The following RIMS3 variants were observed in gnomAD, a reference collection of about 807,000 sequenced individuals.
RIMS3 encodes the protein regulating synaptic membrane exocytosis protein 3.
In RIMS3, 15 loss-of-function variants were observed where a neutral mutation model predicts 29.2. The observed-to-expected ratio is 0.51, with a 90% CI of 0.34 to 0.79. RIMS3 has a LOEUF of 0.79. RIMS3 is among the 30% of genes least tolerant of loss of function. The probability of loss-of-function intolerance (pLI) is 0.01; values close to 1 mark genes in which losing one functional copy is unlikely to be tolerated. For missense variants in RIMS3, 342 were observed against 421.4 expected (o/e 0.81, Z 1.65); for synonymous variants, 161 against 170.1 (o/e 0.95, Z 0.41).
chr1:40,634,633 CAG>C (rs1646508400), intron 4 of RIMS3, among the ~76,000 whole-genome samples: 1 of 152,150 alleles, frequency 6.6e-6, no homozygotes, highest in Admixed American at 6.5e-5. Flanking sequence ...CCACAACCCT[CAG>C]GGTTGCTGTA....
At position 40,641,649 on chromosome 1, in the gene RIMS3, G is replaced by A. The variant is rs1421556225; in HGVS notation, c.217+60C>T. 1.0e-5 allele frequency: 16 copies of A among 1,530,186 alleles called. No individual in the cohort carries two copies. In the Admixed American group the frequency reaches 2.4e-4, roughly 23 times the overall value. The allele number at this position is 1,530,186 out of a possible 1,614,324, so 94.8% of individuals were successfully genotyped here. A position where few individuals can be genotyped will look rare whatever the true frequency, so the allele number is the denominator to read the frequency against. The stretch of plus-strand genomic sequence containing the variant: ...GCAGACCCATCAGGGCAGTCCCTGG[G>A]TAGTCTGTCTTTGCGAAGTGTCCCC... On this transcript the variant is annotated intron_variant, in intron 3 of 7. Coordinates refer to ENST00000372684, the MANE Select transcript of RIMS3 (RefSeq NM_014747.3).
the RIMS3 span, among the ~76,000 whole-genome samples, chr1:40,679,797 A>C: frequency 6.6e-6 from 1 of 152,336 alleles, no homozygotes; most frequent in Non-Finnish European, 1.5e-5. Flanking sequence ...ATCACAATTA[A>C]GAAAACATGC....
chr1:40,657,250 A>G (rs997476399), intron 1 of RIMS3, among the ~76,000 whole-genome samples: 2 of 152,162 alleles, frequency 1.3e-5, no homozygotes, highest in African/African-American at 2.4e-5. Flanking sequence ...TTTCTACTCT[A>G]CCTGCATCCA....
upstream of RIMS3, among the ~76,000 whole-genome samples, chr1:40,666,578 G>A (rs904214179): frequency 3.9e-5 from 6 of 152,190 alleles, no homozygotes; most frequent in East Asian, 9.6e-4. Context: ...GGTCGTGCCT[G>A]CCCCAACTTG....
At chr1:40,643,558 C>G (rs1373487391) in intron 2 of RIMS3, among the ~76,000 whole-genome samples, 1 of 148,164 alleles carries the variant, frequency 6.7e-6, no homozygotes, top group Non-Finnish European at 1.5e-5. Context: ...CTCACTGGAA[C>G]CTCTGCCACT....
Position 40,628,851 on chromosome 1 carries a change from C to T in RIMS3, c.673G>A (p.Ala225Thr). Reference protein sequence around the residue: ...KKTCDPLYQQALLFDEGPQGK... With the variant: ...KKTCDPLYQQTLLFDEGPQGK... ...TGGGGTCCCTCGTCAAAGAGCAGAG[C>T]CTGCTGGTACAGGGGATCACAGGTC... The change falls in exon 7 of 8, where the codon GCT becomes ACT. Residue 225 changes from alanine (A) to threonine (T), a missense_variant. By Grantham distance (58) the Ala-to-Thr change is moderately conservative. Transcript: ENST00000372684. 6.2e-7 allele frequency: 1 copy of T among 1,614,164 alleles called. No individual in the cohort carries two copies. Among genetic ancestry groups the T allele is most frequent in the Non-Finnish European group, 8.5e-7 (1 of 1,180,040 alleles).
chr1:40,641,408 G>A (rs566887755), intron 3 of RIMS3, among the ~76,000 whole-genome samples: 1 of 152,336 alleles, frequency 6.6e-6, no homozygotes, highest in Non-Finnish European at 1.5e-5. Context: ...TAAAGGTTAA[G>A]AGCATCAGCT....
chr1:40,638,272 A>C (rs975097854), intron 3 of RIMS3, among the ~76,000 whole-genome samples: 2 of 152,176 alleles, frequency 1.3e-5, no homozygotes, highest in African/African-American at 4.8e-5. Context: ...GAGGTGATTC[A>C]GCAGAGATTA....
chr1:40,675,141 T>TGCCTGTATTCTCA, the RIMS3 span, among the ~76,000 whole-genome samples: 1 of 152,046 alleles, frequency 6.6e-6, no homozygotes, highest in Non-Finnish European at 1.5e-5. Flanking sequence ...TGGTGGTGCA[T>TGCCTGTATTCTCA]GCCTGTATTC....
chr1:40,675,517 G>T, the RIMS3 span, among the ~76,000 whole-genome samples: 1 of 152,088 alleles, frequency 6.6e-6, no homozygotes, highest in Admixed American at 6.5e-5. Flanking sequence ...CAGCACTTTG[G>T]GAGGTTGAGA....
intron 1 of RIMS3, among the ~76,000 whole-genome samples, chr1:40,662,719 C>A (rs1642369535): frequency 6.6e-6 from 1 of 152,326 alleles, no homozygotes; most frequent in Admixed American, 6.5e-5. Flanking sequence ...CACCCTCCCC[C>A]TGCCAGCTCT....
chr1:40,668,314 A>C (rs1441393068), upstream of RIMS3, among the ~76,000 whole-genome samples: 2 of 150,448 alleles, frequency 1.3e-5, no homozygotes, highest in Non-Finnish European at 3.0e-5. Flanking sequence ...CCCAGCTACC[A>C]GGGAGGCTGA....
rs191576859 is a variant in RIMS3, at chr1:40,646,189, T to C, written c.-32+1479A>G. Among the ~76,000 whole-genome samples the C allele has an allele frequency of 1.0e-3, 155 of 152,318 alleles. 2 individuals carry two copies. In the East Asian group the frequency reaches 0.02, roughly 19 times the overall value. On this transcript the variant is annotated intron_variant, in intron 2 of 7. Coordinates refer to ENST00000372684, the MANE Select transcript of RIMS3 (RefSeq NM_014747.3). ...GGAGAGTTGAGTCTCTGAATGCACA[T>C]TGTAGCAGAGGTCTCAGAATTAGAG...
chr1:40,659,400 CG>C (rs1557686060), intron 1 of RIMS3, among the ~76,000 whole-genome samples: 2 of 152,038 alleles, frequency 1.3e-5, no homozygotes, highest in Non-Finnish European at 2.9e-5. Flanking sequence ...CAGGGGGTGA[CG>C]GGGTCAGTTC....
intron 7 of RIMS3, among the ~76,000 whole-genome samples, chr1:40,628,171 C>T (rs1646467004): frequency 6.6e-6 from 1 of 152,236 alleles, no homozygotes; most frequent in African/African-American, 2.4e-5. Flanking sequence ...CTAATGAGTG[C>T]TGAGCTGGAA....
chr1:40,626,609 TGGG>T lies in RIMS3; in HGVS notation c.832_834del (p.Pro278del), dbSNP rs748823405. The T allele has an allele frequency of 1.4e-5, 22 of 1,613,538 alleles. No individual in the cohort carries two copies. The African/African-American group carries it at 2.4e-4, about 18-fold the overall frequency. ...AGTGTGGAGTCTGCCACTGAGGAGGTGGGGAAGAGTTTGTACCAGCCGGTGACC... is the reference window on the plus strand; with the variant it reads ...AGTGTGGAGTCTGCCACTGAGGAGGTGAAGAGTTTGTACCAGCCGGTGACC... On this transcript the variant is annotated inframe_deletion, in exon 8 of 8. Transcript: ENST00000372684.
rs1333889857 is a variant in RIMS3, at chr1:40,636,854, T to A, written c.218-797A>T. On this transcript the variant is annotated intron_variant, in intron 3 of 7. Transcript: ENST00000372684. This position sits in a 1 kb window ranked among gnomAD's most constrained non-coding sequence, Gnocchi z 4.2. Reference sequence around the variant, plus strand: ...CAGGGAACATGGGACACTTTCCCTCTCCCAGCAGCACACCATCCTGCCTGG... The same window carrying A: ...CAGGGAACATGGGACACTTTCCCTCACCCAGCAGCACACCATCCTGCCTGG... Among the ~76,000 whole-genome samples the A allele has an allele frequency of 2.0e-5, 3 of 152,290 alleles. No homozygotes were observed. The highest frequency in any genetic ancestry group is 1.3e-4 in the Admixed American group (2 of 15,306).
At chr1:40,670,085 A>G (rs1642472846), upstream of RIMS3, among the ~76,000 whole-genome samples, 1 of 152,134 alleles carries the variant, frequency 6.6e-6, no homozygotes, top group African/African-American at 2.4e-5. Context: ...ACCACCTTCA[A>G]ACTTTTACAC....
At chr1:40,645,793 A>T (rs532047065) in intron 2 of RIMS3, among the ~76,000 whole-genome samples, 1 of 152,312 alleles carries the variant, frequency 6.6e-6, no homozygotes, top group Non-Finnish European at 1.5e-5. Flanking sequence ...CTCATGAATA[A>T]TAAATGGAAT....
Sources: allele counts gnomAD v4.1 joint callset (sites outside exome capture counted in the v4.1 genomes callset), GRCh38; gene constraint gnomAD v4.1.1; non-coding constraint Gnocchi (gnomAD v3.1); transcripts MANE v1.5; gene names NCBI Gene and HGNC (gene_info 2026-07-23, HGNC 2026-07-21).